The following KIN variants were observed in gnomAD, a reference collection of about 807,000 sequenced individuals.
KIN encodes the protein DNA/RNA-binding protein KIN17.
A neutral mutation model predicts 63.0 loss-of-function variants in KIN; 47 were observed. That is an observed-to-expected ratio of 0.75 (90% CI 0.59 to 0.95). The LOEUF is 0.95. KIN is among the 40% of genes least tolerant of loss of function. The pLI is 0.00. For missense variants in KIN, 408 were observed against 460.9 expected, an observed-to-expected ratio of 0.89 and a Z score of 1.05; for synonymous variants, 160 against 157.7, an observed-to-expected ratio of 1.01 and a Z score of -0.11.
At chr10:7,767,176 G>GA (rs1384726047) in intron 8 of KIN, among the ~76,000 whole-genome samples, 1 of 152,098 alleles carries the variant, frequency 6.6e-6, no homozygotes, top group Non-Finnish European at 1.5e-5. Context: ...CAGCATGTAA[G>GA]ACCTCTATGG....
In KIN at chr10:7,762,456, C is replaced by T. The variant is rs1459813206; in HGVS notation, c.1018+1G>A. ...ATTAAATGGTCTGCAAACAGATTTA[C>T]CTGGTGCTGGAATTACTGTCTCTAA... is the stretch of plus-strand genomic sequence containing the variant. On this transcript the variant is annotated splice_donor_variant, in intron 11 of 12. Coordinates refer to ENST00000379562, the MANE Select transcript of KIN (RefSeq NM_012311.4). LOFTEE classifies it high-confidence loss of function. 10 of 1,581,592 alleles carry T rather than the reference C, an allele frequency of 6.3e-6. No homozygotes were observed. Among genetic ancestry groups the T allele is most frequent in the African/African-American group, 2.7e-5 (2 of 74,184 alleles).
At chr10:7,762,322 A>G in intron 11 of KIN, 135 bp downstream of exon 11, 1 of 501,972 alleles carries the variant, frequency 2.0e-6, no homozygotes, top group Non-Finnish European at 3.5e-6. Context: ...CCAAACAGAG[A>G]TGAGTTACGC....
intron 5 of KIN, among the ~76,000 whole-genome samples, chr10:7,777,001 G>A (rs1835790807): frequency 7.2e-6 from 1 of 138,638 alleles, no homozygotes; most frequent in Non-Finnish European, 1.5e-5. Flanking sequence ...GGTGCAGTGA[G>A]CTGTAATCAT....
intron 8 of KIN, among the ~76,000 whole-genome samples, chr10:7,766,684 A>G (rs916912275): frequency 2.0e-5 from 3 of 152,050 alleles, no homozygotes; most frequent in African/African-American, 4.8e-5. Context: ...CTAAGTACCA[A>G]TTTTCAATGG....
chr10:7,757,791 C>A (rs1393033074), intron 12 of KIN, among the ~76,000 whole-genome samples: 1 of 151,920 alleles, frequency 6.6e-6, no homozygotes, highest in Non-Finnish European at 1.5e-5. Context: ...CTGATAAGTA[C>A]CATAAATCTG....
At chr10:7,782,096 T>C (rs115491034) in intron 2 of KIN, among the ~76,000 whole-genome samples, 5 of 152,062 alleles carry the variant, frequency 3.3e-5, no homozygotes, top group African/African-American at 1.2e-4. Flanking sequence ...ATAAACCAAT[T>C]TTTTTAAAAA....
chr10:7,757,142 A>G (rs1379398007), intron 12 of KIN, among the ~76,000 whole-genome samples: 1 of 152,216 alleles, frequency 6.6e-6, no homozygotes, highest in Admixed American at 6.5e-5. Context: ...CTAGACCTGG[A>G]ACTTAATATG....
In KIN at chr10:7,752,669, TC is replaced by T. The variant is rs1201871628; in HGVS notation, c.*3410del. 6.6e-6 allele frequency: 1 copy of T among 152,204 alleles called. No homozygotes were observed. Among genetic ancestry groups the T allele is most frequent in the African/African-American group, 2.4e-5 (1 of 41,458 alleles). The allele number at this position is 152,204 out of a possible 1,614,324, so 9.4% of individuals were successfully genotyped here. A position where few individuals can be genotyped will look rare whatever the true frequency, so the allele number is the denominator to read the frequency against. ...CCAAACCTTGTAAGCAACCAAGATA[TC>T]CTTCAGTAGGTGAGTGCATAAACTG... On this transcript the variant is annotated 3_prime_UTR_variant, in exon 13 of 13. Coordinates refer to ENST00000379562, the MANE Select transcript of KIN (RefSeq NM_012311.4).
intron 4 of KIN, among the ~76,000 whole-genome samples, chr10:7,779,315 G>T (rs1433267920): frequency 6.6e-6 from 1 of 152,144 alleles, no homozygotes; most frequent in Non-Finnish European, 1.5e-5. Context: ...GCTGAGGCAG[G>T]AGAATCACTT....
At chr10:7,782,931 A>C (rs1028615387) in intron 2 of KIN, 150 bp downstream of exon 2, 6 of 407,008 alleles carry the variant, frequency 1.5e-5, no homozygotes, top group Non-Finnish European at 2.2e-5. Flanking sequence ...TACTATGATT[A>C]ATTTTCAAAA....
rs1031048177 is a variant in KIN, at chr10:7,757,008, T to C, written c.1120-866A>G. 1.6e-4 allele frequency among the ~76,000 whole-genome samples: 24 copies of C among 152,316 alleles called. No individual in the cohort carries two copies. The East Asian group carries it at 2.1e-3, about 13-fold the overall frequency. On this transcript the variant is annotated intron_variant, in intron 12 of 12. Transcript: ENST00000379562. ...CAAGTTCAAATCTCACTTTCAACAATTGATTTAACCTCTCTGTCCTTCAGT... is the reference window on the plus strand; with the variant it reads ...CAAGTTCAAATCTCACTTTCAACAACTGATTTAACCTCTCTGTCCTTCAGT...
At chr10:7,772,070 A>G (rs1835677748) in intron 7 of KIN, among the ~76,000 whole-genome samples, 1 of 152,070 alleles carries the variant, frequency 6.6e-6, no homozygotes, top group Admixed American at 6.6e-5. Flanking sequence ...AAAGGGCGAG[A>G]CCCTAGGCTC....
chr10:7,779,979 T>A, intron 4 of KIN, 77 bp downstream of exon 4: 2 of 1,510,112 alleles, frequency 1.3e-6, no homozygotes, highest in South Asian at 2.4e-5. Flanking sequence ...TTTTTTTCTC[T>A]TTTCTTATCC....
chr10:7,780,431 G>A (rs1038302874), intron 2 of KIN, 124 bp from the exon 3 acceptor site: 25 of 736,940 alleles, frequency 3.4e-5, no homozygotes, highest in East Asian at 1.9e-4. Context: ...TCTCGTTCTC[G>A]TCACCCAAGC....
intron 5 of KIN, among the ~76,000 whole-genome samples, chr10:7,776,574 T>C (rs1835777842): frequency 6.7e-6 from 1 of 148,994 alleles, no homozygotes; most frequent in Admixed American, 6.7e-5. Flanking sequence ...CTACTAAAAA[T>C]ACAAAAATTA....
At chr10:7,761,704 T>C (rs1484137666) in intron 11 of KIN, among the ~76,000 whole-genome samples, 2 of 152,172 alleles carry the variant, frequency 1.3e-5, no homozygotes, top group Middle Eastern at 3.2e-3. Flanking sequence ...GTAAGGTGTA[T>C]ATAAAACATA....
At chr10:7,786,710 G>A (rs529735138) in intron 1 of KIN, among the ~76,000 whole-genome samples, 1 of 152,252 alleles carries the variant, frequency 6.6e-6, no homozygotes, top group South Asian at 2.1e-4. Context: ...ATCTGACCAT[G>A]CCAGCACCTT....
In KIN at chr10:7,751,056, C is replaced by T. The variant is rs374168635; in HGVS notation, c.*5024G>A. 1 of 152,170 alleles carries T rather than the reference C, an allele frequency of 6.6e-6. No individual in the cohort carries two copies. Among genetic ancestry groups the T allele is most frequent in the South Asian group, 2.1e-4 (1 of 4,814 alleles). The allele number at this position is 152,170 out of a possible 1,614,324, so 9.4% of individuals were successfully genotyped here. ...CATTTATAAGGGAGAATAAAATAAG[C>T]AACAAATTTAAAGCGAAACTAGGTT... On this transcript the variant is annotated 3_prime_UTR_variant, in exon 13 of 13. Coordinates refer to ENST00000379562, the MANE Select transcript of KIN (RefSeq NM_012311.4).
chr10:7,775,130 T>G (rs923506518), intron 6 of KIN, among the ~76,000 whole-genome samples: 3 of 152,180 alleles, frequency 2.0e-5, no homozygotes, highest in African/African-American at 7.2e-5. Context: ...GCTTCCCTGC[T>G]CTATCCCCAT....
Sources: allele counts gnomAD v4.1 joint callset (sites outside exome capture counted in the v4.1 genomes callset), GRCh38; gene constraint gnomAD v4.1.1; transcripts MANE v1.5; gene names NCBI Gene and HGNC (gene_info 2026-07-23, HGNC 2026-07-21).